The following COPE variants were observed in gnomAD, a reference collection of about 807,000 sequenced individuals.
COPE encodes coatomer subunit epsilon.
Under a neutral mutation model 42.1 loss-of-function variants are expected in COPE, and 19 were observed. The ratio of observed to expected loss-of-function variants is 0.45; its 90% CI spans 0.31 to 0.66. The LOEUF is 0.66. Among genes scored for constraint, COPE ranks in the 30% least tolerant of loss-of-function variants. The probability of loss-of-function intolerance (pLI) is 0.05; values close to 1 mark genes in which losing one functional copy is unlikely to be tolerated. For missense variants in COPE, 402 were observed against 416.1 expected, an observed-to-expected ratio of 0.97 and a Z score of 0.30; for synonymous variants, 195 against 181.3, an observed-to-expected ratio of 1.08 and a Z score of -0.60.
intron 6 of COPE, among the ~76,000 whole-genome samples, chr19:18,903,831 A>G (rs1409279172): frequency 1.3e-5 from 2 of 152,178 alleles, no homozygotes; most frequent in Non-Finnish European, 2.9e-5. Context: ...TTGCAGGGGG[A>G]GCCTGAGGCC....
chr19:18,918,815 G>C (rs530105157), intron 1 of COPE, among the ~76,000 whole-genome samples: 1 of 152,340 alleles, frequency 6.6e-6, no homozygotes, highest in South Asian at 2.1e-4. Context: ...GAATGGGTAA[G>C]CTCTGGGAGA....
chr19:18,906,663 C>T (rs758984549), intron 4 of COPE: 8 of 295,036 alleles, frequency 2.7e-5, no homozygotes, highest in South Asian at 7.1e-5. Flanking sequence ...CAGAAGGCTT[C>T]GTGGGGGGTG....
At chr19:18,916,875 C>T (rs536454706) in intron 1 of COPE, among the ~76,000 whole-genome samples, 6 of 144,700 alleles carry the variant, frequency 4.1e-5, no homozygotes, top group South Asian at 4.3e-4. Context: ...GCAGGACAAT[C>T]GCTTGAACCC....
At chr19:18,915,335 G>T (rs996184672) in intron 1 of COPE, among the ~76,000 whole-genome samples, 1 of 152,250 alleles carries the variant, frequency 6.6e-6, no homozygotes, top group Non-Finnish European at 1.5e-5. Flanking sequence ...AGGTGCCCAG[G>T]AGACTGTGCG....
At chr19:18,904,231 C>T (rs536441206) in intron 6 of COPE, among the ~76,000 whole-genome samples, 1 of 152,388 alleles carries the variant, frequency 6.6e-6, no homozygotes, top group South Asian at 2.1e-4. Context: ...TCCCGAAGTG[C>T]TGGGATTACA....
At chr19:18,904,748 C>A (rs1348618297) in intron 6 of COPE, 23 bp downstream of exon 6, 2 of 1,549,198 alleles carry the variant, frequency 1.3e-6, no homozygotes, top group Admixed American at 3.9e-5. Context: ...CAATGCCCAC[C>A]CACCTCATGG....
chr19:18,900,499 C>T, intron 7 of COPE, 50 bp from the exon 8 acceptor site: 1 of 1,447,838 alleles, frequency 6.9e-7, no homozygotes, highest in Non-Finnish European at 9.4e-7. Flanking sequence ...CTCCAGCCCC[C>T]ATGCCTGCCC....
At chr19:18,905,663 C>T (rs1365415220) in intron 4 of COPE, 34 bp from the exon 5 acceptor site, 14 of 1,578,082 alleles carry the variant, frequency 8.9e-6, no homozygotes, top group Middle Eastern at 3.3e-4. Flanking sequence ...GTCAGCGGGT[C>T]GCCACAGACA....
At chr19:18,906,241 G>C (rs1215271888) in intron 4 of COPE, 2 of 304,128 alleles carry the variant, frequency 6.6e-6, no homozygotes, top group African/African-American at 2.1e-5. Flanking sequence ...CCAGGCTGGA[G>C]TGCAGTGGCA....
chr19:18,916,117 A>G, intron 1 of COPE, among the ~76,000 whole-genome samples: 1 of 151,940 alleles, frequency 6.6e-6, no homozygotes, highest in Non-Finnish European at 1.5e-5. Flanking sequence ...CCCAGGAGGC[A>G]GAGGTTGTGG....
intron 6 of COPE, among the ~76,000 whole-genome samples, chr19:18,904,097 C>A (rs2056735280): frequency 6.6e-6 from 1 of 152,258 alleles, no homozygotes; most frequent in Admixed American, 6.5e-5. Context: ...TCCTGAGTAG[C>A]TGGGTTTACA....
chr19:18,907,098 G>T lies in COPE; in HGVS notation c.305C>A (p.Ala102Asp). 6.2e-7 allele frequency: 1 copy of T among 1,612,076 alleles called. No individual in the cohort carries two copies. The stretch of plus-strand genomic sequence containing the variant: ...CCTGCTCATCTCTCGGTCCAGCTCG[G>T]CCACGATGCTGTCCCTGCAAGACAG... ...AHESRRDSIV[A>D]ELDREMSRSV... The change falls in exon 4 of 10, where the codon GCC becomes GAC. Residue 102 changes from alanine to aspartate, a missense_variant. Transcript: ENST00000262812.
chr19:18,918,204 G>GAAAA (rs61215847), intron 1 of COPE, among the ~76,000 whole-genome samples: 1 of 113,446 alleles, frequency 8.8e-6, no homozygotes, highest in African/African-American at 3.7e-5. Flanking sequence ...AAAAAAAAAA[G>GAAAA]AAAAGAAAAG....
chr19:18,906,103 T>C, intron 4 of COPE: 1 of 399,144 alleles, frequency 2.5e-6, no homozygotes, highest in East Asian at 3.6e-5. Flanking sequence ...TCGTGAGGCC[T>C]CTTGTTCTTG....
chr19:18,918,116 G>A (rs2056871794), intron 1 of COPE, among the ~76,000 whole-genome samples: 1 of 150,442 alleles, frequency 6.6e-6, no homozygotes, highest in South Asian at 2.1e-4. Flanking sequence ...CTTGAACCTG[G>A]GGGCGGAGGT....
chr19:18,905,400 C>T (rs942497420), intron 5 of COPE, among the ~76,000 whole-genome samples, 176 bp downstream of exon 5: 2 of 152,166 alleles, frequency 1.3e-5, no homozygotes. Flanking sequence ...AGAGCCATGG[C>T]CCTCCTCCCT....
At chr19:18,902,275 G>A (rs1049970158) in intron 7 of COPE, among the ~76,000 whole-genome samples, 3 of 151,642 alleles carry the variant, frequency 2.0e-5, no homozygotes, top group East Asian at 1.9e-4. Flanking sequence ...CTTGAGGCCA[G>A]GAGTTCGAGA....
At chr19:18,907,314 G>C (rs1297593314) in intron 3 of COPE, among the ~76,000 whole-genome samples, 3 of 152,162 alleles carry the variant, frequency 2.0e-5, no homozygotes, top group Non-Finnish European at 4.4e-5. Context: ...GGCCAGGCAA[G>C]GACCCGAGGC....
Position 18,910,990 on chromosome 19 carries a change from G to A in COPE, c.271C>T (p.Leu91Phe), listed in dbSNP as rs2056804530. Residue 91 changes from leucine to phenylalanine, a missense_variant, in exon 3 of 10, where the codon CTC becomes TTC. Transcript: ENST00000262812. ...CCTCACCTCCGACTCTCGTGGGCGA[G>A]GTAGTCAGCAAACATGCGCACGGCC... ...LQAVRMFADYLAHESRRDSIV... is the reference protein window; with the variant it reads ...LQAVRMFADYFAHESRRDSIV... 6.2e-7 allele frequency: 1 copy of A among 1,613,994 alleles called. No homozygotes were observed. The highest frequency in any genetic ancestry group is 8.5e-7 in the Non-Finnish European group (1 of 1,180,018).
Sources: gnomAD v4.1 joint callset for allele counts (sites outside exome capture counted in the v4.1 genomes callset) on GRCh38, gnomAD v4.1.1 for gene constraint, MANE v1.5 for transcripts, NCBI Gene and HGNC (gene_info 2026-07-23, HGNC 2026-07-21) for gene names.